The following ATAD2 variants were observed in gnomAD, a reference collection of about 807,000 sequenced individuals.
ATAD2 encodes ATPase family AAA domain containing 2, also known as ATPase family AAA domain-containing protein 2.
Under a neutral mutation model 168.9 loss-of-function variants are expected in ATAD2, and 62 were observed. That is an observed-to-expected ratio of 0.37 (90% CI 0.30 to 0.45). The LOEUF is 0.45. Among genes scored for constraint, ATAD2 ranks in the 20% least tolerant of loss-of-function variants. The pLI is 1.00. For missense variants in ATAD2, 1,419 were observed against 1,667.8 expected, an observed-to-expected ratio of 0.85 and a Z score of 2.60; for synonymous variants, 613 against 571.6, an observed-to-expected ratio of 1.07 and a Z score of -1.03.
In ATAD2 at chr8:123,326,006, T is replaced by C. The variant is rs1369593904; in HGVS notation, c.3889A>G (p.Thr1297Ala). Residue 1297 changes from threonine (T) to alanine (A), a missense_variant, in exon 26 of 28, where the codon ACT becomes GCT. Thr to Ala is a moderately conservative substitution (Grantham distance 58, BLOSUM62 0). Around this residue, in one of 5 missense-constraint regions of ATAD2, gnomAD observed 303 missense variants for 304.3 expected, o/e 1.00. Coordinates refer to ENST00000287394, the MANE Select transcript of ATAD2 (RefSeq NM_014109.4). ...TCTACCTGGGAACGTCTAGCTCGAGTCATTCGCAGAACACACATTTCTAGA... is the reference window on the plus strand; with the variant it reads ...TCTACCTGGGAACGTCTAGCTCGAGCCATTCGCAGAACACACATTTCTAGA... ...EGKEMCVLRM[T>A]RARRSQVEQQ... is the part of the protein sequence containing the mutation. The C allele has an allele frequency of 6.2e-7, 1 of 1,613,966 alleles. No homozygotes were observed. The highest frequency in any genetic ancestry group is 1.1e-5 in the South Asian group (1 of 91,044).
In ATAD2 at chr8:123,347,956, A is replaced by C. The variant is rs1828306504; in HGVS notation, c.1897+227T>G. Reference sequence around the variant, plus strand: ...GCCCCTGATGGCCAATTTGTCAAATATCTCTATTTAATACCAAGACTTCAT... The same window carrying C: ...GCCCCTGATGGCCAATTTGTCAAATCTCTCTATTTAATACCAAGACTTCAT... On this transcript the variant is annotated intron_variant, in intron 15 of 27. Coordinates refer to ENST00000287394, the MANE Select transcript of ATAD2 (RefSeq NM_014109.4). 3 of 559,542 alleles carry C rather than the reference A, an allele frequency of 5.4e-6. No homozygotes were observed. The Admixed American group carries it at 8.7e-5, about 16-fold the overall frequency. The allele number at this position is 559,542 out of a possible 1,614,324, so 34.7% of individuals were successfully genotyped here.
At chr8:123,387,450 T>C (rs1019634841) in intron 1 of ATAD2, among the ~76,000 whole-genome samples, 2 of 152,142 alleles carry the variant, frequency 1.3e-5, no homozygotes, top group African/African-American at 4.8e-5. Context: ...TTAACAGTAA[T>C]TAACATTGGA....
At chr8:123,384,683 A>G (rs1359359743) in intron 1 of ATAD2, among the ~76,000 whole-genome samples, 1 of 152,264 alleles carries the variant, frequency 6.6e-6, no homozygotes, top group Non-Finnish European at 1.5e-5. Context: ...ACATCCACAG[A>G]CACATGAACT....
At position 123,320,355 on chromosome 8, in the gene ATAD2, TAA is replaced by T. The variant is rs1045508733; in HGVS notation, c.*777_*778del. On this transcript the variant is annotated 3_prime_UTR_variant, in exon 28 of 28. Transcript: ENST00000287394. ...ATATTTATATTTATAAAATTGTATATAAAAAGTATCAATAGACTATAACCTAA... is the reference window on the plus strand; with the variant it reads ...ATATTTATATTTATAAAATTGTATATAAAGTATCAATAGACTATAACCTAA... The T allele has an allele frequency of 1.1e-4, 16 of 151,730 alleles. No individual in the cohort carries two copies. The highest frequency in any genetic ancestry group is 3.1e-4 in the African/African-American group (13 of 41,388). 9.4% of individuals were successfully genotyped at this position (151,730 alleles called of 1,614,324 possible). A position where few individuals can be genotyped will look rare whatever the true frequency, so the allele number is the denominator to read the frequency against.
intron 11 of ATAD2, among the ~76,000 whole-genome samples, chr8:123,358,337 T>C (rs1184010124): frequency 1.3e-5 from 2 of 152,240 alleles, no homozygotes; most frequent in Admixed American, 1.3e-4. Flanking sequence ...TGAGCCACCA[T>C]GCCTGGCACT....
At chr8:123,321,987 C>CTTTTTTTTTT (rs869048943) in intron 27 of ATAD2, among the ~76,000 whole-genome samples, 6 of 136,486 alleles carry the variant, frequency 4.4e-5, no homozygotes, top group African/African-American at 1.7e-4. Context: ...GTACATAAGT[C>CTTTTTTTTTT]TTTTTTTTTT....
At chr8:123,346,788 A>C (rs766635279) in intron 16 of ATAD2, 38 bp from the exon 17 acceptor site, 9 of 1,533,078 alleles carry the variant, frequency 5.9e-6, no homozygotes, top group Non-Finnish European at 8.8e-7. Flanking sequence ...TAACTTTTGG[A>C]TTGCAAAGCA....
intron 2 of ATAD2, 70 bp from the exon 3 acceptor site, chr8:123,372,756 T>A: frequency 7.7e-7 from 1 of 1,292,904 alleles, no homozygotes; most frequent in Non-Finnish European, 1.1e-6. Context: ...TTAGATGGGA[T>A]TGCACTCCAT....
At chr8:123,399,000 C>T (rs988042132), upstream of ATAD2, among the ~76,000 whole-genome samples, 3 of 152,182 alleles carry the variant, frequency 2.0e-5, no homozygotes, top group Admixed American at 1.3e-4. Context: ...CGGTGGCTCA[C>T]GCCTGTAATC....
chr8:123,334,895 T>C (rs1827872934), intron 22 of ATAD2, among the ~76,000 whole-genome samples: 1 of 152,130 alleles, frequency 6.6e-6, no homozygotes, highest in Admixed American at 6.6e-5. Flanking sequence ...GATTGCAAAA[T>C]TCACTCCCAG....
chr8:123,328,502 C>T lies in ATAD2; in HGVS notation c.3556G>A (p.Ala1186Thr), dbSNP rs910860447. The change falls in exon 25 of 28, where the codon GCA becomes ACA. Residue 1186 changes from alanine (A) to threonine (T), a missense_variant. By Grantham distance (58) the Ala-to-Thr change is moderately conservative (BLOSUM62 0). Transcript: ENST00000287394. ...TIKKRRKISQ[A>T]KDDSQNAIDH... ...ATGGCATTCTGGCTATCATCCTTTG[C>T]CTGTGAAATCTTCCTTCGCTTTTTT... is the stretch of plus-strand genomic sequence containing the variant. The T allele has an allele frequency of 1.3e-6, 2 of 1,597,840 alleles. No homozygotes were observed. Among genetic ancestry groups the T allele is most frequent in the East Asian group, 4.5e-5 (2 of 44,440 alleles).
chr8:123,374,181 A>AAAAC (rs376609463), intron 2 of ATAD2, among the ~76,000 whole-genome samples: 19 of 152,236 alleles, frequency 1.2e-4, no homozygotes, highest in Non-Finnish European at 2.4e-4. Context: ...TCTCTAGTTA[A>AAAAC]AAACAAACAA....
intron 1 of ATAD2, among the ~76,000 whole-genome samples, chr8:123,412,465 C>T (rs1461852057): frequency 6.6e-6 from 1 of 152,148 alleles, no homozygotes; most frequent in African/African-American, 2.4e-5. Flanking sequence ...GAGGGTCTCA[C>T]TCTGTTGCCC....
At chr8:123,392,565 A>C (rs1812629788) in intron 1 of ATAD2, among the ~76,000 whole-genome samples, 1 of 152,054 alleles carries the variant, frequency 6.6e-6, no homozygotes. Flanking sequence ...CAATTTCTGG[A>C]CCACACTAAA....
intron 13 of ATAD2, among the ~76,000 whole-genome samples, chr8:123,355,272 A>G (rs920797729): frequency 1.3e-5 from 2 of 152,234 alleles, no homozygotes; most frequent in African/African-American, 4.8e-5. Flanking sequence ...ATCACACACT[A>G]TATCTTATTC....
At chr8:123,328,869 C>T (rs562719363) in intron 24 of ATAD2, among the ~76,000 whole-genome samples, 74 of 139,350 alleles carry the variant, frequency 5.3e-4, no homozygotes, top group Non-Finnish European at 6.5e-4. Flanking sequence ...GGTGCGATCT[C>T]GGCTCACTGC....
intron 24 of ATAD2, among the ~76,000 whole-genome samples, chr8:123,330,405 C>T (rs936418185): frequency 6.6e-6 from 1 of 152,058 alleles, no homozygotes; most frequent in African/African-American, 2.4e-5. Context: ...TGCTCTGTCA[C>T]CCAGGCTGGA....
At chr8:123,366,489 T>C (rs1244178666) in intron 8 of ATAD2, among the ~76,000 whole-genome samples, 5 of 152,190 alleles carry the variant, frequency 3.3e-5, no homozygotes, top group African/African-American at 9.6e-5. Flanking sequence ...CAATTCGCAA[T>C]TGCAAAAATG....
intron 10 of ATAD2, 98 bp downstream of exon 10, chr8:123,359,479 T>C: frequency 1.5e-6 from 2 of 1,319,210 alleles, no homozygotes; most frequent in Non-Finnish European, 2.1e-6. Context: ...GGTTAGAGTT[T>C]TGACTAAAAA....
Sources: allele counts gnomAD v4.1 joint callset (sites outside exome capture counted in the v4.1 genomes callset), GRCh38; gene constraint gnomAD v4.1.1; regional missense constraint gnomAD v4.1.1; transcripts MANE v1.5; gene names NCBI Gene and HGNC (gene_info 2026-07-23, HGNC 2026-07-21).